CCDC112: variants seen among roughly 807,000 people sequenced by gnomAD.
CCDC112 encodes coiled-coil domain containing 112.
A neutral mutation model predicts 66.3 loss-of-function variants in CCDC112; 40 were observed. The observed-to-expected ratio is 0.60, with a 90% CI of 0.47 to 0.79. The LOEUF (loss-of-function observed/expected upper bound fraction) is 0.79. Ranked by LOEUF, CCDC112 falls within the 30% of genes least tolerant of loss-of-function variation. The pLI, the probability that CCDC112 is intolerant of heterozygous loss-of-function variation, is 0.00. For missense variants in CCDC112, 659 were observed against 603.8 expected (o/e 1.09, Z -0.96); for synonymous variants, 214 against 197.2 (o/e 1.09, Z -0.71).
At chr5:115,292,630 T>C (rs1368968256) in intron 1 of CCDC112, among the ~76,000 whole-genome samples, 1 of 152,204 alleles carries the variant, frequency 6.6e-6, no homozygotes, top group Non-Finnish European at 1.5e-5. Context: ...TCTCTCCCCT[T>C]AGCAGGGTTT....
At chr5:115,278,891 A>T (rs1255954852) in intron 3 of CCDC112, among the ~76,000 whole-genome samples, 1 of 152,216 alleles carries the variant, frequency 6.6e-6, no homozygotes, top group African/African-American at 2.4e-5. Context: ...AATATTTTAT[A>T]AAGCTTAGTT....
At position 115,270,423 on chromosome 5, in the gene CCDC112, C is replaced by T. The variant is rs151129091; in HGVS notation, c.1333-625G>A. 8.9e-3 allele frequency among the ~76,000 whole-genome samples: 1,360 copies of T among 152,112 alleles called. 18 individuals carry two copies. The highest frequency in any genetic ancestry group is 0.03 in the African/African-American group (1,260 of 41,480). ...TAAAGTCCCCTTCCTTGTCTTAATACTTTTTGGAATGAATTCTGCCAGTAT... is the reference window on the plus strand; with the variant it reads ...TAAAGTCCCCTTCCTTGTCTTAATATTTTTTGGAATGAATTCTGCCAGTAT... On this transcript the variant is annotated intron_variant, in intron 7 of 9. Coordinates refer to ENST00000379611, the MANE Select transcript of CCDC112 (RefSeq NM_001040440.3).
chr5:115,277,430 T>C (rs1382740482), intron 3 of CCDC112, among the ~76,000 whole-genome samples: 4 of 152,242 alleles, frequency 2.6e-5, no homozygotes, highest in African/African-American at 7.2e-5. Context: ...CTTATGGAAA[T>C]AGAATTTGGT....
chr5:115,271,245 C>A lies in CCDC112; in HGVS notation c.1300G>T (p.Ala434Ser), dbSNP rs201580583. 6.3e-7 allele frequency: 1 copy of A among 1,582,088 alleles called. No individual in the cohort carries two copies. The highest frequency in any genetic ancestry group is 8.5e-7 in the Non-Finnish European group (1 of 1,172,302). ...TGAAATCTGGAAATTTCATCAGCAG[C>A]ATTTTTCCTTTTTTCTGCCTTTTCT... is the stretch of plus-strand genomic sequence containing the variant. ...KAEKAEKRKN[A>S]ADEISRFQER... Residue 434 changes from alanine (A) to serine (S), a missense_variant, in exon 7 of 10, where the codon GCT (alanine) becomes TCT (serine). Coordinates refer to ENST00000379611, the MANE Select transcript of CCDC112 (RefSeq NM_001040440.3).
At chr5:115,281,798 A>C (rs1749468592) in intron 2 of CCDC112, among the ~76,000 whole-genome samples, 1 of 152,244 alleles carries the variant, frequency 6.6e-6, no homozygotes, top group Admixed American at 6.5e-5. Context: ...ATGCAAATTA[A>C]AACTATATCA....
chr5:115,269,490 G>C lies in CCDC112; in HGVS notation c.1428+213C>G, dbSNP rs555728553. 59 of 495,712 alleles carry C rather than the reference G, an allele frequency of 1.2e-4. 1 individual carries two copies. Among genetic ancestry groups the C allele is most frequent in the South Asian group, 1.2e-3 (47 of 39,660 alleles). The allele number at this position is 495,712 out of a possible 1,614,324, so 30.7% of individuals were successfully genotyped here. On this transcript the variant is annotated intron_variant, in intron 8 of 9. Coordinates refer to ENST00000379611, the MANE Select transcript of CCDC112 (RefSeq NM_001040440.3). ...GGGGGAACAATAATTCAGAGTGAAA[G>C]AAAACGGTGCTCATAAGGTAAAATG... is the stretch of plus-strand genomic sequence containing the variant.
Position 115,271,374 on chromosome 5 carries a change from G to T in CCDC112, c.1171C>A (p.Arg391Ser). The T allele has an allele frequency of 6.2e-7, 1 of 1,611,098 alleles. No homozygotes were observed. Among genetic ancestry groups the T allele is most frequent in the Non-Finnish European group, 8.5e-7 (1 of 1,179,484 alleles). ...EEKEKKHQKE[R>S]QRQFKLKLLL... ...AATTTTAACTTAAACTGGCGCTGGCGTTCTTTCTGATGTTTTTTCTCTTTC... is the reference window on the plus strand; with the variant it reads ...AATTTTAACTTAAACTGGCGCTGGCTTTCTTTCTGATGTTTTTTCTCTTTC... The change falls in exon 7 of 10, where the codon CGC (arginine) becomes AGC (serine). Residue 391 changes from arginine to serine, a missense_variant. Arg to Ser is a moderately radical substitution (Grantham distance 110, BLOSUM62 -1). Transcript: ENST00000379611.
intron 5 of CCDC112, 109 bp from the exon 6 acceptor site, chr5:115,275,715 T>G (rs1018926544): frequency 1.0e-5 from 8 of 785,978 alleles, no homozygotes; most frequent in Non-Finnish European, 1.5e-5. Flanking sequence ...CCACTTAACA[T>G]TATTAACATT....
rs542852193 is a variant in CCDC112 at position 115,288,023 on chromosome 5, CAGGCTGG to C, written c.118-3122_118-3116del. Among the ~76,000 whole-genome samples the C allele has an allele frequency of 4.6e-3, 703 of 151,710 alleles. 10 individuals are homozygous for C. The highest frequency in any genetic ancestry group is 0.016 in the African/African-American group (672 of 41,294). ...GAGACGGAGTTTTGCTCTTGTCATC[CAGGCTGG>C]AGTACATTGGTACCATATTGGCTCG... On this transcript the variant is annotated intron_variant, in intron 1 of 9. Transcript: ENST00000379611.
chr5:115,271,386 G>GT lies in CCDC112; in HGVS notation c.1158dup (p.His387ThrfsTer10). The GT allele has an allele frequency of 6.2e-7, 1 of 1,610,098 alleles. No individual in the cohort carries two copies. Among genetic ancestry groups the GT allele is most frequent in the Non-Finnish European group, 8.5e-7 (1 of 1,179,274 alleles). ...AACTGGCGCTGGCGTTCTTTCTGAT[G>GT]TTTTTTCTCTTTCTCTTCTTCTTCT... is the stretch of plus-strand genomic sequence containing the variant. On this transcript the variant is annotated frameshift_variant, in exon 7 of 10. Coordinates refer to ENST00000379611, the MANE Select transcript of CCDC112 (RefSeq NM_001040440.3). LOFTEE classifies it high-confidence loss of function.
chr5:115,293,806 G>C (rs554431416), intron 1 of CCDC112, among the ~76,000 whole-genome samples: 25 of 152,252 alleles, frequency 1.6e-4, no homozygotes, highest in Admixed American at 5.9e-4. Context: ...GTTATTTCAG[G>C]CAGCCAAGGA....
At chr5:115,291,602 T>G (rs928425384) in intron 1 of CCDC112, among the ~76,000 whole-genome samples, 5 of 152,202 alleles carry the variant, frequency 3.3e-5, no homozygotes, top group African/African-American at 1.2e-4. Context: ...CCTATATATT[T>G]GCAGTACTCT....
At chr5:115,292,056 T>C (rs1427501575) in intron 1 of CCDC112, among the ~76,000 whole-genome samples, 1 of 152,156 alleles carries the variant, frequency 6.6e-6, no homozygotes, top group African/African-American at 2.4e-5. Context: ...ATTTGGGACG[T>C]CTTCTATTAT....
At chr5:115,280,141 T>C (rs1749390478) in intron 2 of CCDC112, among the ~76,000 whole-genome samples, 1 of 152,186 alleles carries the variant, frequency 6.6e-6, no homozygotes, top group Non-Finnish European at 1.5e-5. Context: ...ATACTATTAA[T>C]TTTGTAACCT....
Position 115,271,574 on chromosome 5 carries a change from T to C in CCDC112, c.971A>G (p.Lys324Arg). The change falls in exon 7 of 10, where the codon AAG becomes AGG. Residue 324 changes from lysine to arginine, a missense_variant. Physicochemically the swap from Lys to Arg is conservative, Grantham distance 26. Coordinates refer to ENST00000379611, the MANE Select transcript of CCDC112 (RefSeq NM_001040440.3). ...TGTGTTGTCTGCCTTTTCCTTTAAC[T>C]TGAAAATTTCCTCCCTTTTTTGCTG... Reference protein sequence around the residue: ...KKQQKREEIFKLKEKADNTPV... With the variant: ...KKQQKREEIFRLKEKADNTPV... The C allele has an allele frequency of 6.4e-7, 1 of 1,563,698 alleles. No individual in the cohort carries two copies. The highest frequency in any genetic ancestry group is 1.2e-5 in the South Asian group (1 of 81,374).
intron 2 of CCDC112, among the ~76,000 whole-genome samples, chr5:115,284,518 A>G (rs1425200289): frequency 1.3e-5 from 2 of 152,342 alleles, no homozygotes; most frequent in Admixed American, 1.3e-4. Context: ...TATAAAATCT[A>G]AAGAAACAGC....
intron 2 of CCDC112, 74 bp from the exon 3 acceptor site, chr5:115,279,842 A>C (rs757971481): frequency 2.5e-6 from 2 of 798,428 alleles, no homozygotes; most frequent in Non-Finnish European, 3.9e-6. Flanking sequence ...GAAGACACTC[A>C]ATAATCCGTA....
In CCDC112 at chr5:115,267,783, C is replaced by T; in HGVS notation, c.*93G>A. 1 of 964,290 alleles carries T rather than the reference C, an allele frequency of 1.0e-6. No homozygotes were observed. The highest frequency in any genetic ancestry group is 1.7e-6 in the Non-Finnish European group (1 of 593,570). 59.7% of individuals were successfully genotyped at this position (964,290 alleles called of 1,614,324 possible). On this transcript the variant is annotated 3_prime_UTR_variant, in exon 10 of 10. Transcript: ENST00000379611. ...TAGCACAATAATCAATCTGACTAAGCTATTGATATTTAAAGAATGTGGTTA... is the reference window on the plus strand; with the variant it reads ...TAGCACAATAATCAATCTGACTAAGTTATTGATATTTAAAGAATGTGGTTA...
chr5:115,278,455 A>G (rs1034165012), intron 3 of CCDC112, among the ~76,000 whole-genome samples: 3 of 152,108 alleles, frequency 2.0e-5, no homozygotes, highest in African/African-American at 7.2e-5. Context: ...GTAACACTAC[A>G]CTTTATAAGA....
Sources: allele counts gnomAD v4.1 joint callset (sites outside exome capture counted in the v4.1 genomes callset), GRCh38; gene constraint gnomAD v4.1.1; transcripts MANE v1.5; gene names NCBI Gene and HGNC (gene_info 2026-07-23, HGNC 2026-07-21).